The following GRID2 variants were observed in gnomAD, a reference collection of about 807,000 sequenced individuals.
GRID2 encodes the protein glutamate ionotropic receptor delta type subunit 2, also known as glutamate receptor ionotropic, delta-2.
In GRID2, 33 loss-of-function variants were observed where a neutral mutation model predicts 114.8. The observed-to-expected ratio is 0.29, with a 90% CI of 0.22 to 0.38. The LOEUF (loss-of-function observed/expected upper bound fraction) is 0.38. Among genes scored for constraint, GRID2 ranks in the 10% least tolerant of loss-of-function variants. The pLI is 1.00. For synonymous variants in GRID2, 505 were observed against 449.9 expected (o/e 1.12, Z -1.55); for missense variants, 1,184 against 1,257.7 (o/e 0.94, Z 0.89).
At chr4:93,158,280 C>A (rs1420285607) in intron 4 of GRID2, among the ~76,000 whole-genome samples, 2 of 151,828 alleles carry the variant, frequency 1.3e-5, no homozygotes, top group African/African-American at 4.8e-5. Flanking sequence ...GCAGCGAATA[C>A]TCTTCATGAG....
At chr4:93,510,366 A>G (rs1729044417) in intron 12 of GRID2, among the ~76,000 whole-genome samples, 1 of 152,156 alleles carries the variant, frequency 6.6e-6, no homozygotes. Flanking sequence ...GAGTTATTTA[A>G]GTTTTATGTG....
chr4:93,163,629 T>G (rs894080204), intron 4 of GRID2, among the ~76,000 whole-genome samples: 3 of 150,748 alleles, frequency 2.0e-5, no homozygotes, highest in Non-Finnish European at 4.4e-5. Context: ...TAGTTCAAAA[T>G]AGACATTTCT....
intron 4 of GRID2, among the ~76,000 whole-genome samples, chr4:93,156,328 T>G (rs1467474821): frequency 6.6e-6 from 1 of 151,812 alleles, no homozygotes; most frequent in Non-Finnish European, 1.5e-5. Flanking sequence ...GAGAAATTAG[T>G]AAAAGATTTT....
At chr4:92,699,035 C>A (rs1041292941) in intron 2 of GRID2, among the ~76,000 whole-genome samples, 2 of 151,818 alleles carry the variant, frequency 1.3e-5, no homozygotes, top group African/African-American at 4.8e-5. Context: ...TTTTTCTTTT[C>A]TATTACTGTT....
At chr4:93,807,480 G>A (rs955396715) in exon 2 of GRID2, 1 of 152,100 alleles carries the variant, frequency 6.6e-6, no homozygotes, top group Non-Finnish European at 1.5e-5. Flanking sequence ...CACACCAAGG[G>A]ACATTACCTT....
At chr4:92,639,000 C>T (rs761693101) in intron 2 of GRID2, among the ~76,000 whole-genome samples, 35 of 151,014 alleles carry the variant, frequency 2.3e-4, no homozygotes, top group Non-Finnish European at 3.8e-4. Flanking sequence ...TTGATAAGTA[C>T]GCATAATTTA....
intron 2 of GRID2, among the ~76,000 whole-genome samples, chr4:93,010,023 G>A (rs1721964944): frequency 6.6e-6 from 1 of 151,960 alleles, no homozygotes; most frequent in Admixed American, 6.6e-5. Flanking sequence ...AAGTATCAAG[G>A]TCCTGTCAAC....
chr4:92,827,402 TAAA>T (rs869244288), intron 2 of GRID2, among the ~76,000 whole-genome samples: 5 of 134,828 alleles, frequency 3.7e-5, no homozygotes, highest in Admixed American at 2.2e-4. Context: ...TCCTGAGATT[TAAA>T]AAAAAAAAAA....
intron 1 of GRID2, among the ~76,000 whole-genome samples, chr4:92,310,728 TA>T (rs1357844870): frequency 6.6e-6 from 1 of 152,002 alleles, no homozygotes; most frequent in Non-Finnish European, 1.5e-5. Context: ...AACCCTAAAA[TA>T]AGATTTAGAC....
At chr4:93,296,224 C>T (rs1361554188) in intron 8 of GRID2, among the ~76,000 whole-genome samples, 2 of 152,126 alleles carry the variant, frequency 1.3e-5, no homozygotes, top group Non-Finnish European at 2.9e-5. Context: ...TCACATTGCT[C>T]CTCTTTTCTT....
chr4:92,836,328 C>G (rs1490630834), intron 2 of GRID2, among the ~76,000 whole-genome samples: 3 of 152,066 alleles, frequency 2.0e-5, no homozygotes, highest in Non-Finnish European at 4.4e-5. Context: ...AGCACACATT[C>G]CATTAGCCAT....
intron 1 of GRID2, among the ~76,000 whole-genome samples, chr4:92,575,216 G>GT (rs1727825064): frequency 6.6e-6 from 1 of 152,126 alleles, no homozygotes; most frequent in African/African-American, 2.4e-5. Flanking sequence ...CCCCTGTATT[G>GT]TTTTACCATC....
chr4:92,783,106 A>G (rs1324484596), intron 2 of GRID2, among the ~76,000 whole-genome samples: 1 of 152,084 alleles, frequency 6.6e-6, no homozygotes, highest in Admixed American at 6.6e-5. Context: ...TTATGTATAA[A>G]TAGCTTGAGA....
chr4:93,358,942 G>T (rs930830940), intron 8 of GRID2, among the ~76,000 whole-genome samples: 4 of 151,988 alleles, frequency 2.6e-5, no homozygotes, highest in Non-Finnish European at 1.5e-5. Flanking sequence ...CCATGATAAT[G>T]CTGTGTTCTC....
chr4:92,632,211 T>A (rs1730842051), intron 2 of GRID2, among the ~76,000 whole-genome samples: 2 of 152,194 alleles, frequency 1.3e-5, no homozygotes, highest in South Asian at 4.1e-4. Context: ...TTTTTTGGAA[T>A]TAGACTATTA....
At chr4:93,258,799 T>C in intron 8 of GRID2, 1 of 402,252 alleles carries the variant, frequency 2.5e-6, no homozygotes. Flanking sequence ...TGCATGGATT[T>C]ATTTATTGAT....
chr4:92,671,786 T>A (rs891009510), intron 2 of GRID2, among the ~76,000 whole-genome samples: 2 of 152,132 alleles, frequency 1.3e-5, no homozygotes, highest in African/African-American at 4.8e-5. Flanking sequence ...TTTTTCCCTT[T>A]ACCTTTGATC....
At chr4:92,476,226 C>T (rs1274187557) in intron 1 of GRID2, among the ~76,000 whole-genome samples, 1 of 151,920 alleles carries the variant, frequency 6.6e-6, no homozygotes, top group Non-Finnish European at 1.5e-5. Flanking sequence ...CGGGTTTCAC[C>T]GTGTTAGCCA....
chr4:93,545,676 A>G (rs1158071494), intron 13 of GRID2, among the ~76,000 whole-genome samples: 2 of 152,180 alleles, frequency 1.3e-5, no homozygotes, highest in East Asian at 3.9e-4. Context: ...GGTAGCTTAA[A>G]ATCAGCTATG....
Sources: gnomAD v4.1 joint callset for allele counts (sites outside exome capture counted in the v4.1 genomes callset) on GRCh38, gnomAD v4.1.1 for gene constraint, MANE v1.5 for transcripts, NCBI Gene and HGNC (gene_info 2026-07-23, HGNC 2026-07-21) for gene names.